The following FCF1 variants were observed in gnomAD, a reference collection of about 807,000 sequenced individuals.
The protein encoded by FCF1 is FCF1 rRNA-processing protein.
FCF1 carries 17 observed loss-of-function variants against 32.5 expected under a neutral mutation model. That is an observed-to-expected ratio of 0.52 (90% CI 0.36 to 0.78). The LOEUF (loss-of-function observed/expected upper bound fraction) is 0.78. Among genes scored for constraint, FCF1 ranks in the 30% least tolerant of loss-of-function variants. FCF1 has a pLI of 0.00. For missense variants in FCF1, 201 were observed against 241.1 expected (o/e 0.83, Z 1.10); for synonymous variants, 84 against 78.4 (o/e 1.07, Z -0.38).
rs765840451 is a variant in FCF1, at chr14:74,734,938, A to G, written c.*8A>G. ...GGAGCCCCTCGATTCTAATTCTTACAAGACACAGTTCCTCTGCCTTTCTTC... is the reference window on the plus strand; with the variant it reads ...GGAGCCCCTCGATTCTAATTCTTACGAGACACAGTTCCTCTGCCTTTCTTC... On this transcript the variant is annotated 3_prime_UTR_variant, in exon 8 of 8. Coordinates refer to ENST00000341162, the MANE Select transcript of FCF1 (RefSeq NM_015962.5). The G allele has an allele frequency of 6.2e-7, 1 of 1,611,554 alleles. No homozygotes were observed. Among genetic ancestry groups the G allele is most frequent in the Non-Finnish European group, 8.5e-7 (1 of 1,177,814 alleles).
intron 4 of FCF1, among the ~76,000 whole-genome samples, chr14:74,718,444 C>T (rs1017682209): frequency 2.0e-5 from 3 of 152,022 alleles, no homozygotes; most frequent in African/African-American, 7.3e-5. Context: ...TCTTAAAGAA[C>T]ACATTGCCTT....
chr14:74,722,810 G>A (rs761325912), intron 4 of FCF1, among the ~76,000 whole-genome samples: 25 of 151,660 alleles, frequency 1.6e-4, no homozygotes, highest in Admixed American at 3.9e-4. Flanking sequence ...GGGCATAGTG[G>A]TGCGTACCTG....
intron 5 of FCF1, among the ~76,000 whole-genome samples, chr14:74,726,454 A>G (rs1594788372): frequency 6.6e-6 from 1 of 152,218 alleles, no homozygotes; most frequent in East Asian, 1.9e-4. Context: ...CCTGGGAGAC[A>G]GCGAGACCCT....
intron 5 of FCF1, among the ~76,000 whole-genome samples, chr14:74,726,139 T>C (rs1193366298): frequency 1.3e-5 from 2 of 151,726 alleles, no homozygotes; most frequent in African/African-American, 4.8e-5. Context: ...ATGAGTGAAC[T>C]AGAGTTATGC....
intron 4 of FCF1, 94 bp downstream of exon 4, chr14:74,716,193 C>T (rs2090417204): frequency 8.3e-7 from 1 of 1,204,180 alleles, no homozygotes. Flanking sequence ...TTCTTGTTAA[C>T]TGAATTGCTG....
chr14:74,728,229 T>C (rs1312445700), intron 5 of FCF1, among the ~76,000 whole-genome samples: 2 of 152,192 alleles, frequency 1.3e-5, no homozygotes, highest in Non-Finnish European at 2.9e-5. Flanking sequence ...ATTCTTCCTA[T>C]CCATGAGCAT....
chr14:74,732,535 T>A (rs1240814030), intron 5 of FCF1, among the ~76,000 whole-genome samples, 196 bp from the exon 6 acceptor site: 1 of 152,232 alleles, frequency 6.6e-6, no homozygotes, highest in Non-Finnish European at 1.5e-5. Flanking sequence ...AGTTTTGTAA[T>A]GATTAAATGA....
At chr14:74,722,268 G>A (rs1301091766) in intron 4 of FCF1, among the ~76,000 whole-genome samples, 2 of 151,634 alleles carry the variant, frequency 1.3e-5, no homozygotes, top group South Asian at 4.2e-4. Context: ...GGCTGGTCTC[G>A]AACTCCTGAC....
Position 74,734,156 on chromosome 14 carries a change from C to T in FCF1, c.534C>T (p.Tyr178=). The part of the protein sequence containing the change: ...IRKIPGVPIM[Y]ISNHRYNIER... ...AGATTCCTGGAGTTCCTATCATGTA[C>T]ATTTCTAACCATAGGTGAGAAATTT... Residue 178 remains tyrosine (Y), a synonymous_variant, in exon 7 of 8, where the codon TAC becomes TAT. Transcript: ENST00000341162. 1 of 1,609,242 alleles carries T rather than the reference C, an allele frequency of 6.2e-7. No homozygotes were observed. Among genetic ancestry groups the T allele is most frequent in the Non-Finnish European group, 8.5e-7 (1 of 1,175,778 alleles).
rs1566712425 is a variant in FCF1 at position 74,713,517 on chromosome 14, C to T, written c.36C>T (p.Thr12=). The T allele has an allele frequency of 6.2e-7, 1 of 1,612,336 alleles. No homozygotes were observed. The highest frequency in any genetic ancestry group is 2.2e-5 in the East Asian group (1 of 44,882). Residue 12 remains threonine (T), a synonymous_variant, in exon 2 of 8, where the codon ACC becomes ACT. Coordinates refer to ENST00000341162, the MANE Select transcript of FCF1 (RefSeq NM_015962.5). ...AAAAGAAAACAAGGAAGTATGCGAC[C>T]ATGAAGCGAATGCTTAGTCTCAGAG... ...GKQKKTRKYA[T]MKRMLSLRDQ... is the part of the protein sequence containing the mutation.
In FCF1 at chr14:74,734,128, G is replaced by C. The variant is rs777442774; in HGVS notation, c.506G>C (p.Arg169Pro). The C allele has an allele frequency of 6.2e-7, 1 of 1,613,666 alleles. No homozygotes were observed. The highest frequency in any genetic ancestry group is 8.5e-7 in the Non-Finnish European group (1 of 1,179,670). ...GACCGGGACCTGAAAAGAAGAATCC[G>C]TAAGATTCCTGGAGTTCCTATCATG... ...TVDRDLKRRI[R>P]KIPGVPIMYI... The change falls in exon 7 of 8, where the codon CGT becomes CCT. Residue 169 changes from arginine to proline, a missense_variant. Coordinates refer to ENST00000341162, the MANE Select transcript of FCF1 (RefSeq NM_015962.5).
chr14:74,718,575 G>A (rs2090453263), intron 4 of FCF1, among the ~76,000 whole-genome samples: 2 of 152,076 alleles, frequency 1.3e-5, no homozygotes, highest in African/African-American at 2.4e-5. Flanking sequence ...CCAGGTTCAA[G>A]TGATTCTCCT....
At chr14:74,731,502 C>T (rs537728728) in intron 5 of FCF1, among the ~76,000 whole-genome samples, 1 of 152,252 alleles carries the variant, frequency 6.6e-6, no homozygotes, top group African/African-American at 2.4e-5. Flanking sequence ...ACTTTGTCCC[C>T]CAGAAATCTT....
intron 4 of FCF1, 73 bp from the exon 5 acceptor site, chr14:74,723,199 C>T: frequency 9.0e-7 from 1 of 1,112,696 alleles, no homozygotes; most frequent in South Asian, 1.3e-5. Flanking sequence ...TTTTAAAACT[C>T]TGAGCAGGGA....
intron 5 of FCF1, 36 bp from the exon 6 acceptor site, chr14:74,732,695 C>G (rs1168293411): frequency 2.9e-6 from 4 of 1,374,404 alleles, no homozygotes; most frequent in Non-Finnish European, 4.1e-6. Context: ...AGAAAGTTAT[C>G]CAGCTGATTG....
chr14:74,723,228 T>C (rs749099773), intron 4 of FCF1, 44 bp from the exon 5 acceptor site: 1 of 1,395,740 alleles, frequency 7.2e-7, no homozygotes, highest in South Asian at 1.2e-5. Flanking sequence ...AGAGATAATT[T>C]CGTTACAAGT....
chr14:74,734,214 A>G, intron 7 of FCF1, 44 bp downstream of exon 7: 3 of 1,123,534 alleles, frequency 2.7e-6, no homozygotes, highest in Non-Finnish European at 4.0e-6. Context: ...TATATAATTG[A>G]TATCAATTGA....
chr14:74,714,887 A>G lies in FCF1; in HGVS notation c.87A>G (p.Arg29=). ...TTCTTCCTAGTAAAGAAAAGGATAGATTAAAACCTAAAAAGAAAGAAAAGA... is the reference window on the plus strand; with the variant it reads ...TTCTTCCTAGTAAAGAAAAGGATAGGTTAAAACCTAAAAAGAAAGAAAAGA... ...LRDQRLKEKD[R]LKPKKKEKKD... is the part of the protein sequence containing the mutation. The change falls in exon 3 of 8, where the codon AGA becomes AGG. Residue 29 remains arginine, a synonymous_variant. Coordinates refer to ENST00000341162, the MANE Select transcript of FCF1 (RefSeq NM_015962.5). 6.3e-7 allele frequency: 1 copy of G among 1,589,712 alleles called. No homozygotes were observed.
At position 74,713,148 on chromosome 14, in the gene FCF1, A is replaced by C; in HGVS notation, c.-50A>C. On this transcript the variant is annotated 5_prime_UTR_variant, in exon 1 of 8. Coordinates refer to ENST00000341162, the MANE Select transcript of FCF1 (RefSeq NM_015962.5). ...CGGAAGCAGTATGTGAATGACGTAG[A>C]AGTATTGCGCCGTTGGTGATTACGG... 6.2e-7 allele frequency: 1 copy of C among 1,614,128 alleles called. No homozygotes were observed. Among genetic ancestry groups the C allele is most frequent in the Middle Eastern group, 1.6e-4 (1 of 6,062 alleles).
Sources: allele counts gnomAD v4.1 joint callset (sites outside exome capture counted in the v4.1 genomes callset), GRCh38; gene constraint gnomAD v4.1.1; transcripts MANE v1.5; gene names NCBI Gene and HGNC (gene_info 2026-07-23, HGNC 2026-07-21).